Variants in RAPGEF1 observed in about 807,000 individuals in gnomAD.
RAPGEF1 encodes Rap guanine nucleotide exchange factor 1.
A neutral mutation model predicts 143.3 loss-of-function variants in RAPGEF1; 33 were observed. The observed-to-expected ratio is 0.23, with a 90% confidence interval of 0.17 to 0.31. RAPGEF1 has a LOEUF of 0.31. Ranked by LOEUF, RAPGEF1 falls within the 10% of genes least tolerant of loss-of-function variation. The pLI is 1.00. For synonymous variants in RAPGEF1, 629 were observed against 676.5 expected (o/e 0.93, Z 1.09); for missense variants, 1,199 against 1,645.4 (o/e 0.73, Z 4.69).
chr9:131,634,020 G>A (rs1483500823), intron 5 of RAPGEF1, among the ~76,000 whole-genome samples: 2 of 152,210 alleles, frequency 1.3e-5, no homozygotes, highest in Non-Finnish European at 2.9e-5. Context: ...CTAGCACTTT[G>A]TGAGGCCGAG....
At chr9:131,728,200 T>C (rs1439279412) in intron 1 of RAPGEF1, among the ~76,000 whole-genome samples, 3 of 152,154 alleles carry the variant, frequency 2.0e-5, no homozygotes, top group Non-Finnish European at 4.4e-5. Flanking sequence ...GAAAGAAAAA[T>C]AAAGGGTATG....
intron 1 of RAPGEF1, among the ~76,000 whole-genome samples, chr9:131,692,738 C>T (rs1470554774): frequency 1.3e-5 from 2 of 152,144 alleles, no homozygotes; most frequent in African/African-American, 4.8e-5. Context: ...GCTACATTGC[C>T]GGAATTGCAC....
intron 12 of RAPGEF1, among the ~76,000 whole-genome samples, chr9:131,616,769 T>A (rs2132744635): frequency 6.6e-6 from 1 of 152,326 alleles, no homozygotes; most frequent in South Asian, 2.1e-4. Context: ...AAAGGGCCGC[T>A]CTGATAGTAA....
chr9:131,604,117 G>T, intron 13 of RAPGEF1, 64 bp from the exon 14 acceptor site: 1 of 1,077,918 alleles, frequency 9.3e-7, no homozygotes, highest in Non-Finnish European at 1.3e-6. Flanking sequence ...CCTCACAGCT[G>T]GCCAGGGGAT....
At chr9:131,639,313 C>T (rs1967070578) in intron 4 of RAPGEF1, among the ~76,000 whole-genome samples, 1 of 152,332 alleles carries the variant, frequency 6.6e-6, no homozygotes, top group Non-Finnish European at 1.5e-5. Flanking sequence ...GCTTCATCAT[C>T]TTCTGCACTA....
intron 4 of RAPGEF1, 102 bp downstream of exon 4, chr9:131,643,137 C>T: frequency 7.4e-7 from 1 of 1,347,420 alleles, no homozygotes; most frequent in Non-Finnish European, 1.0e-6. Context: ...GAGTCCTTTT[C>T]CTGACTGTTC....
intron 4 of RAPGEF1, 148 bp downstream of exon 4, chr9:131,643,091 T>C: frequency 1.2e-6 from 1 of 850,902 alleles, no homozygotes; most frequent in South Asian, 1.9e-5. Context: ...GGGATAGTTG[T>C]GGGGGGAGTG....
At chr9:131,713,562 G>A (rs1835658313) in intron 1 of RAPGEF1, among the ~76,000 whole-genome samples, 1 of 152,170 alleles carries the variant, frequency 6.6e-6, no homozygotes, top group Non-Finnish European at 1.5e-5. Flanking sequence ...ACAACTTTGG[G>A]ATAGAAACTA....
rs777792682 is a variant in RAPGEF1, at chr9:131,602,081, G to A, written c.2481C>T (p.Asp827=). The A allele has an allele frequency of 1.2e-6, 2 of 1,603,522 alleles. No individual in the cohort carries two copies. Among genetic ancestry groups the A allele is most frequent in the East Asian group, 4.5e-5 (2 of 44,308 alleles). The change falls in exon 15 of 27, where the codon GAC becomes GAT. Residue 827 remains aspartate (D), a synonymous_variant. Coordinates refer to ENST00000683357, the MANE Select transcript of RAPGEF1 (RefSeq NM_001377935.1). ...CCTACCTCTCACTGCCGTCTCTGCTGTCCTTCCCAGGGACGCCGCTGACCG... is the reference window on the plus strand; with the variant it reads ...CCTACCTCTCACTGCCGTCTCTGCTATCCTTCCCAGGGACGCCGCTGACCG... ...PSAVSGVPGK[D]SRDGSERAPK... is the part of the protein sequence containing the mutation.
chr9:131,669,457 C>T (rs538798874), intron 1 of RAPGEF1, among the ~76,000 whole-genome samples: 3 of 152,284 alleles, frequency 2.0e-5, no homozygotes, highest in African/African-American at 7.2e-5. Context: ...GTGGCATCCT[C>T]ACTCATCCAC....
chr9:131,709,865 C>A (rs1281790359), intron 1 of RAPGEF1: 1 of 1,421,620 alleles, frequency 7.0e-7, no homozygotes, highest in East Asian at 2.6e-5. Flanking sequence ...TTGCCTTCTG[C>A]CTTTCAAAAT....
chr9:131,580,336 C>T lies in RAPGEF1; in HGVS notation c.3568G>A (p.Asp1190Asn), dbSNP rs552540191. 2.8e-5 allele frequency: 45 copies of T among 1,613,960 alleles called. No homozygotes were observed. The East Asian group carries it at 8.0e-4, about 29-fold the overall frequency. The stretch of plus-strand genomic sequence containing the variant: ...CGCTTGGAGAAGTTCACTTTCCCGT[C>T]GATGTAGTCTGGGTTTCCCAGGTGA... The part of the protein sequence containing the change: ...FVHLGNPDYI[D>N]GKVNFSKRWQ... The change falls in exon 26 of 27, where the codon GAC becomes AAC. Residue 1190 changes from aspartate (D) to asparagine (N), a missense_variant. By Grantham distance (23) the Asp-to-Asn change is conservative (BLOSUM62 1). Around this residue, in one of 6 missense-constraint regions of RAPGEF1, gnomAD observed 67 missense variants for 105.4 expected, o/e 0.64. Coordinates refer to ENST00000683357, the MANE Select transcript of RAPGEF1 (RefSeq NM_001377935.1).
rs563789901 is a variant in RAPGEF1 at position 131,667,830 on chromosome 9, T to C, written c.62-16881A>G. ...GGGCTTGCTTTTCTCTGCTGTAAAATGGGAGTAGTGATCTTTACCTCACTG... is the reference window on the plus strand; with the variant it reads ...GGGCTTGCTTTTCTCTGCTGTAAAACGGGAGTAGTGATCTTTACCTCACTG... On this transcript the variant is annotated intron_variant, in intron 1 of 26. Coordinates refer to ENST00000683357, the MANE Select transcript of RAPGEF1 (RefSeq NM_001377935.1). This position sits in a 1 kb window ranked among gnomAD's most constrained non-coding sequence, Gnocchi z 4.6. Among the ~76,000 whole-genome samples, 11 of 152,282 alleles carry C rather than the reference T, an allele frequency of 7.2e-5. No homozygotes were observed. In the South Asian group the frequency reaches 2.3e-3, roughly 32 times the overall value.
At chr9:131,712,472 G>A (rs1026614451) in intron 1 of RAPGEF1, among the ~76,000 whole-genome samples, 1 of 152,132 alleles carries the variant, frequency 6.6e-6, no homozygotes, top group African/African-American at 2.4e-5. Context: ...CGGCTGGGGC[G>A]CTGTTTCCTC....
At chr9:131,715,863 C>CAAAA (rs145340457) in intron 1 of RAPGEF1, among the ~76,000 whole-genome samples, 19 of 72,512 alleles carry the variant, frequency 2.6e-4, no homozygotes, top group South Asian at 1.4e-3. Flanking sequence ...GACTCCCTCT[C>CAAAA]AAAAAAAAAA....
intron 25 of RAPGEF1, among the ~76,000 whole-genome samples, chr9:131,581,152 A>G (rs1006661264): frequency 2.0e-5 from 3 of 148,518 alleles, no homozygotes; most frequent in Non-Finnish European, 3.0e-5. Context: ...GGTAACAAGA[A>G]CGTAACTCTG....
chr9:131,578,209 AG>A lies in RAPGEF1; in HGVS notation c.*1287del, dbSNP rs1951410410. The A allele has an allele frequency of 6.6e-6, 1 of 152,320 alleles. No homozygotes were observed. The highest frequency in any genetic ancestry group is 1.5e-5 in the Non-Finnish European group (1 of 68,104). 9.4% of individuals were successfully genotyped at this position (152,320 alleles called of 1,614,324 possible). A position where few individuals can be genotyped will look rare whatever the true frequency, so the allele number is the denominator to read the frequency against. ...GCCACGGAACCAGGCGGCACAGGGC[AG>A]ATTCTGTTTGTCAAGCGCCCCACAA... On this transcript the variant is annotated 3_prime_UTR_variant, in exon 27 of 27. Coordinates refer to ENST00000683357, the MANE Select transcript of RAPGEF1 (RefSeq NM_001377935.1).
chr9:131,627,984 G>A lies in RAPGEF1; in HGVS notation c.1130C>T (p.Ser377Leu). Reference sequence around the variant, plus strand: ...GTCCAGAGAGGACAGCTGCTCGTCTGACTTGCTGAGCTTGCCTATGCTGCT... The same window carrying A: ...GTCCAGAGAGGACAGCTGCTCGTCTAACTTGCTGAGCTTGCCTATGCTGCT... The part of the protein sequence containing the change: ...PCSSIGKLSK[S>L]DEQLSSLDRD... Residue 377 changes from serine to leucine, a missense_variant, in exon 9 of 27, where the codon TCA becomes TTA. Ser to Leu is a moderately radical substitution (Grantham distance 145). Around this residue, in one of 6 missense-constraint regions of RAPGEF1, gnomAD observed 613 missense variants for 710.9 expected, o/e 0.86. Transcript: ENST00000683357. 1.3e-6 allele frequency: 2 copies of A among 1,593,328 alleles called. No homozygotes were observed. Among genetic ancestry groups the A allele is most frequent in the East Asian group, 2.3e-5 (1 of 43,948 alleles).
At chr9:131,586,284 A>ACACC (rs1554801611) in intron 22 of RAPGEF1, among the ~76,000 whole-genome samples, 14 of 125,776 alleles carry the variant, frequency 1.1e-4, no homozygotes, top group Admixed American at 4.6e-4. Flanking sequence ...ACACACACAC[A>ACACC]CCTGCAGAGC....
Sources: allele counts gnomAD v4.1 joint callset (sites outside exome capture counted in the v4.1 genomes callset), GRCh38; gene constraint gnomAD v4.1.1; regional missense constraint gnomAD v4.1.1; non-coding constraint Gnocchi (gnomAD v3.1); transcripts MANE v1.5; gene names NCBI Gene and HGNC (gene_info 2026-07-23, HGNC 2026-07-21).